Variants in LPIN3 observed in about 807,000 individuals in gnomAD.
LPIN3 encodes the protein lipin 3, also known as phosphatidate phosphatase LPIN3.
In LPIN3, 82 loss-of-function variants were observed where a neutral mutation model predicts 94.7. That is an observed-to-expected ratio of 0.87 (90% CI 0.72 to 1.04). The LOEUF is 1.04. LPIN3 is among the 50% of genes least tolerant of loss of function. LPIN3 has a pLI of 0.00. For synonymous variants in LPIN3, 418 were observed against 443.3 expected (o/e 0.94, Z 0.72); for missense variants, 996 against 1,090.5 (o/e 0.91, Z 1.22).
chr20:41,344,370 C>G (rs1466421739), intron 1 of LPIN3, among the ~76,000 whole-genome samples: 1 of 152,236 alleles, frequency 6.6e-6, no homozygotes, highest in Non-Finnish European at 1.5e-5. Context: ...TATGGCCTGT[C>G]AGCTTAGAAG....
rs2046276225 is a variant in LPIN3, at chr20:41,358,045, C to T, written c.2192+11C>T. The stretch of plus-strand genomic sequence containing the variant: ...CTCTGCCCTCCACAGGTAACCACCC[C>T]TACACATACAAGCCCGTGGCCCCCT... On this transcript the variant is annotated intron_variant, in intron 17 of 19. Coordinates refer to ENST00000373257, the MANE Select transcript of LPIN3 (RefSeq NM_022896.3). 5 of 1,588,794 alleles carry T rather than the reference C, an allele frequency of 3.1e-6. No individual in the cohort carries two copies. Among genetic ancestry groups the T allele is most frequent in the East Asian group, 2.2e-5 (1 of 44,692 alleles).
chr20:41,349,673 C>T, intron 5 of LPIN3, 101 bp from the exon 6 acceptor site: 1 of 1,398,450 alleles, frequency 7.2e-7, no homozygotes, highest in African/African-American at 1.5e-5. Context: ...GGATTCAACA[C>T]AGGCATAAAT....
At chr20:41,352,001 G>A in intron 8 of LPIN3, 59 bp from the exon 9 acceptor site, 1 of 1,613,400 alleles carries the variant, frequency 6.2e-7, no homozygotes, top group Non-Finnish European at 8.5e-7. Flanking sequence ...CTGTGAGGAG[G>A]GAGGACCCAT....
At position 41,340,882 on chromosome 20, in the gene LPIN3, T is replaced by G. The variant is rs1419084879; in HGVS notation, c.-129T>G. 1 of 152,264 alleles carries G rather than the reference T, an allele frequency of 6.6e-6. No homozygotes were observed. The highest frequency in any genetic ancestry group is 1.5e-5 in the Non-Finnish European group (1 of 68,106). The allele number at this position is 152,264 out of a possible 1,614,324, so 9.4% of individuals were successfully genotyped here. A position where few individuals can be genotyped will look rare whatever the true frequency, so the allele number is the denominator to read the frequency against. ...AAGGAGTGGAGCCGTGCTCTCACCCTGTCTTAGAGGACCCGGAAGCGCCAA... is the reference window on the plus strand; with the variant it reads ...AAGGAGTGGAGCCGTGCTCTCACCCGGTCTTAGAGGACCCGGAAGCGCCAA... On this transcript the variant is annotated 5_prime_UTR_variant, in exon 1 of 20. Coordinates refer to ENST00000373257, the MANE Select transcript of LPIN3 (RefSeq NM_022896.3).
intron 13 of LPIN3, 87 bp downstream of exon 13, chr20:41,354,950 A>T: frequency 1.5e-6 from 2 of 1,295,856 alleles, no homozygotes; most frequent in Non-Finnish European, 1.0e-6. Flanking sequence ...AGGAGCCAGC[A>T]CCCTGTCTCC....
Position 41,355,933 on chromosome 20 carries a change from C to G in LPIN3, c.1702C>G (p.Pro568Ala), listed in dbSNP as rs137973895. The change falls in exon 14 of 20, where the codon CCA (proline) becomes GCA (alanine). Residue 568 changes from proline to alanine, a missense_variant. Coordinates refer to ENST00000373257, the MANE Select transcript of LPIN3 (RefSeq NM_022896.3). ...AGTCCTGAGCAGTGATGACGATGCC[C>G]CAGACAGCCCTGTGATCCTGGAGAT... ...TEVLSSDDDAPDSPVILEIPS... is the reference protein window; with the variant it reads ...TEVLSSDDDAADSPVILEIPS... 8 of 1,613,988 alleles carry G rather than the reference C, an allele frequency of 5.0e-6. No individual in the cohort carries two copies. Among genetic ancestry groups the G allele is most frequent in the Non-Finnish European group, 3.4e-6 (4 of 1,180,000 alleles).
intron 16 of LPIN3, 150 bp from the exon 17 acceptor site, chr20:41,357,732 C>T (rs1023872716): frequency 1.9e-6 from 2 of 1,053,146 alleles, no homozygotes; most frequent in African/African-American, 3.2e-5. Flanking sequence ...CCAGCTGAGT[C>T]CACTGCCTGG....
At chr20:41,355,807 G>C in intron 13 of LPIN3, 89 bp from the exon 14 acceptor site, 6 of 1,528,398 alleles carry the variant, frequency 3.9e-6, no homozygotes, top group Non-Finnish European at 4.5e-6. Flanking sequence ...CTGGCATGGC[G>C]GGGACAGGTC....
intron 13 of LPIN3, 106 bp downstream of exon 13, chr20:41,354,969 G>GTTT (rs201790173): frequency 8.8e-6 from 8 of 906,172 alleles, no homozygotes; most frequent in Non-Finnish European, 1.2e-5. Context: ...CCAGCTGTGG[G>GTTT]TTTTTTTTTT....
intron 13 of LPIN3, 129 bp downstream of exon 13, chr20:41,354,992 A>T (rs538787600): frequency 5.8e-4 from 472 of 813,506 alleles, no homozygotes; most frequent in Admixed American, 9.5e-4. Context: ...TCATTCCTCA[A>T]GCACCAAGCA....
intron 16 of LPIN3, 29 bp from the exon 17 acceptor site, chr20:41,357,853 C>A (rs1235757232): frequency 1.2e-6 from 2 of 1,613,182 alleles, no homozygotes; most frequent in African/African-American, 2.7e-5. Flanking sequence ...TCTCTGATGG[C>A]TCTATGCCAC....
At chr20:41,346,237 G>A (rs2045771716) in intron 2 of LPIN3, among the ~76,000 whole-genome samples, 2 of 152,196 alleles carry the variant, frequency 1.3e-5, no homozygotes, top group South Asian at 4.1e-4. Context: ...CAGTGCTGGG[G>A]CCGTCAGACC....
At chr20:41,354,610 C>G in intron 11 of LPIN3, 35 bp from the exon 12 acceptor site, 1 of 1,534,516 alleles carries the variant, frequency 6.5e-7, no homozygotes. Flanking sequence ...TTATGTGGTG[C>G]AGGAAACACT....
chr20:41,359,503 TG>T lies in LPIN3; in HGVS notation c.*638del, dbSNP rs2046326931. 6.6e-6 allele frequency: 1 copy of T among 152,188 alleles called. No individual in the cohort carries two copies. The highest frequency in any genetic ancestry group is 1.5e-5 in the Non-Finnish European group (1 of 68,060). 9.4% of individuals were successfully genotyped at this position (152,188 alleles called of 1,614,324 possible). On this transcript the variant is annotated 3_prime_UTR_variant, in exon 20 of 20. Transcript: ENST00000373257. ...CAACCTGGGACCTTGCTGTAAGTCT[TG>T]ATAGGACAGGGAGAAGAGGGAGGCC...
At chr20:41,351,447 T>C (rs1250903313) in intron 7 of LPIN3, among the ~76,000 whole-genome samples, 1 of 150,378 alleles carries the variant, frequency 6.6e-6, no homozygotes, top group East Asian at 2.1e-4. Context: ...CAGGCACATG[T>C]CACCACGCCC....
At chr20:41,345,771 G>A (rs928657552) in intron 1 of LPIN3, 25 bp from the exon 2 acceptor site, 19 of 1,591,696 alleles carry the variant, frequency 1.2e-5, no homozygotes, top group Admixed American at 8.5e-5. Context: ...AGACCTTTGT[G>A]CAAGCCACTG....
intron 14 of LPIN3, among the ~76,000 whole-genome samples, chr20:41,356,449 A>G (rs2046211064): frequency 6.6e-6 from 1 of 152,148 alleles, no homozygotes; most frequent in African/African-American, 2.4e-5. Flanking sequence ...TATTTTCTTC[A>G]TGGTTGTGGC....
chr20:41,357,854 T>C, intron 16 of LPIN3, 28 bp from the exon 17 acceptor site: 1 of 1,613,488 alleles, frequency 6.2e-7, no homozygotes, highest in Non-Finnish European at 8.5e-7. Flanking sequence ...CTCTGATGGC[T>C]CTATGCCACC....
chr20:41,342,473 A>G (rs1450815641), intron 1 of LPIN3, among the ~76,000 whole-genome samples: 1 of 152,080 alleles, frequency 6.6e-6, no homozygotes. Context: ...GGAAGGTGTG[A>G]GGAGTGAAGT....
Sources: allele counts gnomAD v4.1 joint callset (sites outside exome capture counted in the v4.1 genomes callset), GRCh38; gene constraint gnomAD v4.1.1; transcripts MANE v1.5; gene names NCBI Gene and HGNC (gene_info 2026-07-23, HGNC 2026-07-21).